MAEA: variants seen among roughly 807,000 people sequenced by gnomAD.
MAEA encodes the protein macrophage erythroblast attacher, E3 ubiquitin ligase.
A neutral mutation model predicts 46.2 loss-of-function variants in MAEA; 22 were observed. The ratio of observed to expected loss-of-function variants is 0.48; its 90% CI spans 0.34 to 0.68. MAEA has a LOEUF of 0.68. Among genes scored for constraint, MAEA ranks in the 30% least tolerant of loss-of-function variants. The pLI, the probability that MAEA is intolerant of heterozygous loss-of-function variation, is 0.01. For synonymous variants in MAEA, 246 were observed against 222.6 expected (o/e 1.11, Z -0.94); for missense variants, 393 against 558.1 (o/e 0.70, Z 2.98).
chr4:1,305,677 C>T (rs1686492200), intron 1 of MAEA, among the ~76,000 whole-genome samples: 1 of 152,158 alleles, frequency 6.6e-6, no homozygotes, highest in African/African-American at 2.4e-5. Context: ...CTTCTGGGTG[C>T]CGGGGTTCTC....
intron 1 of MAEA, among the ~76,000 whole-genome samples, chr4:1,293,909 T>C (rs76625675): frequency 0.033 from 5,094 of 152,328 alleles, 198 homozygotes; most frequent in East Asian, 0.2. Context: ...TTGTAACTGC[T>C]CCTGCGCCTT....
At position 1,334,155 on chromosome 4, in the gene MAEA, T is replaced by TAC. The variant is rs1174171450; in HGVS notation, c.765+1290_765+1291insAC. On this transcript the variant is annotated intron_variant, in intron 6 of 8. Transcript: ENST00000303400. ...TGCCCACCATGTGCTCACCCCTGCA[T>TAC]CCACCCCCATGCCCACCCCTGTGCT... 3.5e-4 allele frequency among the ~76,000 whole-genome samples: 4 copies of TAC among 11,336 alleles called. 1 individual carries two copies. The highest frequency in any genetic ancestry group is 1.6e-3 in the African/African-American group (4 of 2,470). The allele number at this position is 11,336 out of a possible 152,430, so 7.4% of individuals were successfully genotyped here.
chr4:1,326,238 G>T (rs575942212), intron 4 of MAEA, among the ~76,000 whole-genome samples: 18 of 152,336 alleles, frequency 1.2e-4, no homozygotes, highest in Admixed American at 6.5e-4. Flanking sequence ...GTGGTCCGGG[G>T]TGGATTCATC....
intron 1 of MAEA, among the ~76,000 whole-genome samples, chr4:1,304,556 T>C (rs1334892872): frequency 6.6e-6 from 1 of 152,214 alleles, no homozygotes. Flanking sequence ...TTCTCCTGCC[T>C]CAGCCTCCCG....
At chr4:1,296,326 C>G (rs1484212531) in intron 1 of MAEA, among the ~76,000 whole-genome samples, 1 of 19,928 alleles carries the variant, frequency 5.0e-5, no homozygotes, top group Non-Finnish European at 1.3e-4. Context: ...TGCACCTCAC[C>G]TATGCTACCC....
chr4:1,331,783 G>A (rs1711857297), intron 5 of MAEA: 1 of 152,528 alleles, frequency 6.6e-6, no homozygotes, highest in Admixed American at 6.6e-5. Flanking sequence ...GCATGAGAAT[G>A]GGGGCCCTGG....
At chr4:1,309,992 T>C in intron 1 of MAEA, 4 of 1,238,594 alleles carry the variant, frequency 3.2e-6, no homozygotes, top group Non-Finnish European at 4.1e-6. Context: ...GTCTGGAATG[T>C]GCTGGTGTGC....
chr4:1,328,406 C>T (rs1245850829), intron 5 of MAEA, among the ~76,000 whole-genome samples: 1 of 152,236 alleles, frequency 6.6e-6, no homozygotes, highest in Non-Finnish European at 1.5e-5. Context: ...AGTTCATGCT[C>T]ACCCCGTCTC....
intron 5 of MAEA, chr4:1,331,214 G>C (rs557631386): frequency 6.7e-6 from 1 of 149,674 alleles, no homozygotes; most frequent in Non-Finnish European, 1.5e-5. Flanking sequence ...TCGGATGGCC[G>C]TCCCCAGCCC....
chr4:1,326,096 C>T (rs1381581427), intron 4 of MAEA, among the ~76,000 whole-genome samples: 1 of 152,216 alleles, frequency 6.6e-6, no homozygotes, highest in Admixed American at 6.5e-5. Flanking sequence ...CGCGGAGCCA[C>T]TGCTGTGGGT....
At chr4:1,319,381 T>G (rs575307089) in intron 3 of MAEA, among the ~76,000 whole-genome samples, 33 of 151,910 alleles carry the variant, frequency 2.2e-4, no homozygotes, top group Non-Finnish European at 3.8e-4. Flanking sequence ...CATGAGCATT[T>G]CGTGTGAGAC....
chr4:1,318,242 T>C lies in MAEA; in HGVS notation c.456+2642T>C, dbSNP rs148950713. On this transcript the variant is annotated intron_variant, in intron 3 of 8. Coordinates refer to ENST00000303400, the MANE Select transcript of MAEA (RefSeq NM_001017405.3). ...CCCAGCACACTGTCCTTGGGACCCA[T>C]GGGGTGTGACCAAGCAACCTGGCGG... Among the ~76,000 whole-genome samples, 852 of 152,330 alleles carry C rather than the reference T, an allele frequency of 5.6e-3. 11 individuals carry two copies. Among genetic ancestry groups the C allele is most frequent in the African/African-American group, 0.02 (812 of 41,568 alleles).
At chr4:1,293,916 C>T (rs1172893821) in intron 1 of MAEA, among the ~76,000 whole-genome samples, 1 of 152,188 alleles carries the variant, frequency 6.6e-6, no homozygotes, top group Non-Finnish European at 1.5e-5. Context: ...TGCTCCTGCG[C>T]CTTTTGTAGT....
chr4:1,337,842 A>C (rs894707702), intron 7 of MAEA: 10 of 167,708 alleles, frequency 6.0e-5, no homozygotes, highest in African/African-American at 2.5e-4. Flanking sequence ...CTCTGTCCCC[A>C]CCTGTGACTG....
chr4:1,323,542 G>A (rs1039930104), intron 4 of MAEA: 25 of 702,400 alleles, frequency 3.6e-5, no homozygotes, highest in East Asian at 2.9e-4. Context: ...AAAGTAGAGC[G>A]GCTAGTAGCT....
chr4:1,309,568 G>T (rs1253313321), intron 1 of MAEA: 6 of 1,482,392 alleles, frequency 4.0e-6, no homozygotes, highest in Admixed American at 2.1e-5. Flanking sequence ...CCCCGGGCCA[G>T]CGCTGGAGGA....
At chr4:1,328,539 A>G (rs529499849) in intron 5 of MAEA, 3 of 1,014,860 alleles carry the variant, frequency 3.0e-6, no homozygotes, top group Admixed American at 7.6e-5. Flanking sequence ...GCTGGCCCTC[A>G]GCTCCCGGGC....
intron 1 of MAEA, among the ~76,000 whole-genome samples, chr4:1,307,045 G>A (rs908958773): frequency 8.5e-5 from 13 of 152,162 alleles, no homozygotes; most frequent in African/African-American, 3.1e-4. Context: ...GACCAGTGCT[G>A]TACTGGCTTC....
At chr4:1,334,881 A>T in intron 6 of MAEA, 1 of 985,424 alleles carries the variant, frequency 1.0e-6, no homozygotes, top group Non-Finnish European at 1.2e-6. Context: ...TCCCTTGTAG[A>T]CTTTGATTTT....
Sources: allele counts gnomAD v4.1 joint callset (sites outside exome capture counted in the v4.1 genomes callset), GRCh38; gene constraint gnomAD v4.1.1; transcripts MANE v1.5; gene names NCBI Gene and HGNC (gene_info 2026-07-23, HGNC 2026-07-21).